Variants in DAPK2 observed in about 807,000 individuals in gnomAD.
DAPK2 encodes the protein death associated protein kinase 2, also known as death-associated protein kinase 2.
Under a neutral mutation model 44.1 loss-of-function variants are expected in DAPK2, and 35 were observed. The observed-to-expected ratio is 0.79, with a 90% CI of 0.61 to 1.05. The LOEUF is 1.05. Among genes scored for constraint, DAPK2 ranks in the 50% least tolerant of loss-of-function variants. DAPK2 has a pLI of 0.00. For synonymous variants in DAPK2, 174 were observed against 182.6 expected, an observed-to-expected ratio of 0.95 and a Z score of 0.38; for missense variants, 453 against 483.2, an observed-to-expected ratio of 0.94 and a Z score of 0.59.
chr15:63,936,844 A>G (rs1484232265), intron 4 of DAPK2, among the ~76,000 whole-genome samples: 4 of 151,438 alleles, frequency 2.6e-5, no homozygotes, highest in Non-Finnish European at 4.4e-5. Context: ...GCCAGGCATA[A>G]TGGTGCATGC....
chr15:63,932,856 C>G (rs181388813), intron 4 of DAPK2, among the ~76,000 whole-genome samples: 1 of 152,182 alleles, frequency 6.6e-6, no homozygotes, highest in Admixed American at 6.5e-5. Flanking sequence ...TATTTTTTCA[C>G]TGAACATTTA....
At chr15:63,937,559 C>G (rs1595755072) in intron 4 of DAPK2, among the ~76,000 whole-genome samples, 1 of 152,152 alleles carries the variant, frequency 6.6e-6, no homozygotes, top group African/African-American at 2.4e-5. Flanking sequence ...AGGTGTTCCT[C>G]CCCTCCTCTG....
chr15:63,983,618 T>G (rs1467988620), exon 2 of DAPK2: 1 of 1,614,066 alleles, frequency 6.2e-7, no homozygotes, highest in Non-Finnish European at 8.5e-7. Context: ...TGCCGCAGGA[T>G]GCTCACCTCC....
chr15:63,930,273 GC>G, intron 5 of DAPK2, 133 bp downstream of exon 6: 1 of 902,866 alleles, frequency 1.1e-6, no homozygotes, highest in Non-Finnish European at 1.8e-6. Flanking sequence ...CATCGGGGGA[GC>G]AGCCAGAGGC....
At chr15:63,913,402 C>G (rs1245016143) in intron 8 of DAPK2, among the ~76,000 whole-genome samples, 6 of 152,106 alleles carry the variant, frequency 3.9e-5, no homozygotes, top group Non-Finnish European at 7.4e-5. Context: ...TACAGACATG[C>G]ATTTCTTTGG....
At chr15:64,007,881 A>T (rs1010543233) in intron 1 of DAPK2, among the ~76,000 whole-genome samples, 1 of 152,212 alleles carries the variant, frequency 6.6e-6, no homozygotes, top group African/African-American at 2.4e-5. Flanking sequence ...TCATGGATGG[A>T]CCTTGAAAAT....
In DAPK2 at chr15:63,966,462, A is replaced by T. The variant is rs1424846067; in HGVS notation, c.453+4961T>A. ...TGATGTCTCACTAGGTGTACCCTCC[A>T]AGTCCTCTGGCTCCAAGCACAGCAC... On this transcript the variant is annotated intron_variant, in intron 3 of 10. Transcript: ENST00000261891. This position sits in a 1 kb window ranked among gnomAD's most constrained non-coding sequence, Gnocchi z 5.5. 6.6e-6 allele frequency among the ~76,000 whole-genome samples: 1 copy of T among 152,146 alleles called. No individual in the cohort carries two copies. Among genetic ancestry groups the T allele is most frequent in the African/African-American group, 2.4e-5 (1 of 41,448 alleles).
At chr15:63,997,231 C>T (rs762012931) in intron 1 of DAPK2, among the ~76,000 whole-genome samples, 4 of 152,226 alleles carry the variant, frequency 2.6e-5, no homozygotes, top group Non-Finnish European at 5.9e-5. Flanking sequence ...TTGGCACTGC[C>T]TGACAGGTTT....
chr15:63,985,493 C>T (rs186738482), intron 1 of DAPK2, among the ~76,000 whole-genome samples: 5 of 152,322 alleles, frequency 3.3e-5, no homozygotes, highest in Admixed American at 1.3e-4. Flanking sequence ...GGCAGCCACA[C>T]GCCTCTCCTC....
upstream of DAPK2, among the ~76,000 whole-genome samples, chr15:64,043,599 G>C (rs2080394158): frequency 6.6e-6 from 1 of 152,218 alleles, no homozygotes. Flanking sequence ...ACTCAGGGGA[G>C]AGTTGGAAGG....
At chr15:64,004,357 G>A (rs547759419) in intron 1 of DAPK2, among the ~76,000 whole-genome samples, 2 of 152,232 alleles carry the variant, frequency 1.3e-5, no homozygotes, top group East Asian at 1.9e-4. Context: ...TTCCCATCAG[G>A]AGGCGCCTAA....
chr15:64,019,304 T>C (rs2079618902), intron 1 of DAPK2, among the ~76,000 whole-genome samples: 1 of 152,236 alleles, frequency 6.6e-6, no homozygotes, highest in Admixed American at 6.5e-5. Flanking sequence ...TCTTATATGA[T>C]TGCAATATTT....
chr15:63,931,733 A>G (rs1490624053), intron 4 of DAPK2, among the ~76,000 whole-genome samples: 1 of 152,174 alleles, frequency 6.6e-6, no homozygotes, highest in African/African-American at 2.4e-5. Flanking sequence ...CAACGATGTG[A>G]TGAGCAGGAG....
intron 1 of DAPK2, among the ~76,000 whole-genome samples, chr15:63,993,498 A>G (rs886165567): frequency 6.6e-6 from 1 of 151,826 alleles, no homozygotes; most frequent in South Asian, 2.1e-4. Context: ...TTCTTGATGT[A>G]AGAATCTTGT....
At chr15:64,008,580 G>A (rs1370098389) in intron 1 of DAPK2, among the ~76,000 whole-genome samples, 1 of 152,228 alleles carries the variant, frequency 6.6e-6, no homozygotes, top group Non-Finnish European at 1.5e-5. Flanking sequence ...GCAATCAGAT[G>A]TTCTGGATGC....
intron 3 of DAPK2, 36 bp downstream of exon 4, chr15:63,971,387 T>C: frequency 6.2e-7 from 1 of 1,611,918 alleles, no homozygotes; most frequent in Non-Finnish European, 8.5e-7. Context: ...CTCTTCTTCC[T>C]AAACTTGATT....
intron 6 of DAPK2, chr15:63,928,442 G>A (rs2079384725): frequency 6.6e-6 from 1 of 152,140 alleles, no homozygotes; most frequent in African/African-American, 2.4e-5. Flanking sequence ...CTTACTCCAG[G>A]GTGCTATAAA....
At chr15:63,960,043 G>A (rs1309375015) in intron 3 of DAPK2, among the ~76,000 whole-genome samples, 2 of 152,286 alleles carry the variant, frequency 1.3e-5, no homozygotes, top group African/African-American at 4.8e-5. Flanking sequence ...CCTGTTATTG[G>A]TCTATTCAGG....
upstream of DAPK2, among the ~76,000 whole-genome samples, chr15:64,044,566 A>G (rs571382681): frequency 6.6e-6 from 1 of 152,096 alleles, no homozygotes; most frequent in African/African-American, 2.4e-5. Context: ...CATACAGGTG[A>G]CCCATCCCGC....
Sources: allele counts gnomAD v4.1 joint callset (sites outside exome capture counted in the v4.1 genomes callset), GRCh38; gene constraint gnomAD v4.1.1; non-coding constraint Gnocchi (gnomAD v3.1); transcripts MANE v1.5; gene names NCBI Gene and HGNC (gene_info 2026-07-23, HGNC 2026-07-21).